Variants in ZNF326 observed in about 807,000 individuals in gnomAD.
The protein encoded by ZNF326 is DBIRD complex subunit ZNF326.
Under a neutral mutation model 63.1 loss-of-function variants are expected in ZNF326, and 30 were observed. The observed-to-expected ratio is 0.48, with a 90% CI of 0.36 to 0.64. The LOEUF is 0.64. Ranked by LOEUF, ZNF326 falls within the 30% of genes least tolerant of loss-of-function variation. The pLI is 0.00. For synonymous variants in ZNF326, 194 were observed against 228.2 expected (o/e 0.85, Z 1.35); for missense variants, 609 against 720.3 (o/e 0.85, Z 1.77).
At chr1:90,005,706 A>C in intron 4 of ZNF326, 1 of 985,162 alleles carries the variant, frequency 1.0e-6, no homozygotes, top group Non-Finnish European at 1.2e-6. Flanking sequence ...ACTTTCCAAG[A>C]AACATTCAGG....
rs1333348021 is a variant in ZNF326, at chr1:90,034,817, C to G, written c.*7116C>G. 6.6e-6 allele frequency: 1 copy of G among 152,084 alleles called. No individual in the cohort carries two copies. The highest frequency in any genetic ancestry group is 2.4e-5 in the African/African-American group (1 of 41,412). 9.4% of individuals were successfully genotyped at this position (152,084 alleles called of 1,614,324 possible). A position where few individuals can be genotyped will look rare whatever the true frequency, so the allele number is the denominator to read the frequency against. On this transcript the variant is annotated 3_prime_UTR_variant, in exon 12 of 12. Transcript: ENST00000340281. ...CCAGAAAATTGTTCATCAAAGATAG[C>G]TATAGACCAGTCTCACTTACGAACA... is the stretch of plus-strand genomic sequence containing the variant.
rs1650111193 is a variant in ZNF326, at chr1:90,028,177, T to C, written c.*476T>C. On this transcript the variant is annotated 3_prime_UTR_variant, in exon 12 of 12. Coordinates refer to ENST00000340281, the MANE Select transcript of ZNF326 (RefSeq NM_182976.4). ...TTTGCGTTAAGATACGCTTAAAGGC[T>C]CTTTGTGACCATGTTTCCCTTTGTA... 1 of 155,218 alleles carries C rather than the reference T, an allele frequency of 6.4e-6. No individual in the cohort carries two copies. The highest frequency in any genetic ancestry group is 2.4e-5 in the African/African-American group (1 of 41,478). 9.6% of individuals were successfully genotyped at this position (155,218 alleles called of 1,614,324 possible).
chr1:90,025,119 G>C (rs1023572866), intron 11 of ZNF326, among the ~76,000 whole-genome samples: 1 of 151,378 alleles, frequency 6.6e-6, no homozygotes, highest in African/African-American at 2.4e-5. Context: ...TGAAATGGTA[G>C]TTTACTTTGC....
intron 11 of ZNF326, among the ~76,000 whole-genome samples, chr1:90,023,160 G>T (rs1259771981): frequency 6.6e-6 from 1 of 152,144 alleles, no homozygotes; most frequent in Non-Finnish European, 1.5e-5. Flanking sequence ...AATTTTAGAG[G>T]TTAGTCTTTT....
At chr1:90,016,772 A>C (rs975155019) in intron 7 of ZNF326, among the ~76,000 whole-genome samples, 6 of 152,154 alleles carry the variant, frequency 3.9e-5, no homozygotes, top group African/African-American at 1.4e-4. Context: ...GGGACTGTTC[A>C]TTATGGAGTG....
intron 9 of ZNF326, among the ~76,000 whole-genome samples, chr1:90,019,690 G>C (rs1050276929): frequency 2.0e-5 from 3 of 151,946 alleles, no homozygotes; most frequent in Non-Finnish European, 2.9e-5. Flanking sequence ...TTAGTATCTA[G>C]ATGTTCATTG....
intron 9 of ZNF326, among the ~76,000 whole-genome samples, chr1:90,020,405 T>C (rs1649711459): frequency 6.6e-6 from 1 of 152,124 alleles, no homozygotes; most frequent in African/African-American, 2.4e-5. Context: ...CCTTTGTTCC[T>C]TATGAATCCA....
intron 8 of ZNF326, 143 bp from the exon 9 acceptor site, chr1:90,018,542 C>T: frequency 2.3e-6 from 1 of 439,932 alleles, no homozygotes; most frequent in Non-Finnish European, 4.1e-6. Flanking sequence ...ATTATCTTTT[C>T]AATTAAATTA....
rs745992603 is a variant in ZNF326 at position 90,017,298 on chromosome 1, ACT to A, written c.927-18_927-17del. 5.8e-6 allele frequency: 9 copies of A among 1,542,610 alleles called. No individual in the cohort carries two copies. The highest frequency in any genetic ancestry group is 4.4e-6 in the Non-Finnish European group (5 of 1,145,680). On this transcript the variant is annotated splice_polypyrimidine_tract_variant and intron_variant, in intron 7 of 11. Transcript: ENST00000340281. ...TGAATAAAGTAATATTTAAAGGAAA[ACT>A]TTTTTTTCTCTTACAGAATGGCATT... is the stretch of plus-strand genomic sequence containing the variant.
At chr1:90,020,611 ATAGTAAATCTACATATGTAGATT>A (rs1442240045) in intron 9 of ZNF326, among the ~76,000 whole-genome samples, 158 bp from the exon 10 acceptor site, 1 of 152,116 alleles carries the variant, frequency 6.6e-6, no homozygotes, top group Non-Finnish European at 1.5e-5. Flanking sequence ...AGTTAGCAAT[ATAGTAAATCTACATATGTAGATT>A]TATGAGATGT....
intron 1 of ZNF326, 60 bp downstream of exon 1, chr1:89,995,333 G>A: frequency 6.6e-7 from 1 of 1,520,786 alleles, no homozygotes; most frequent in Non-Finnish European, 8.8e-7. Context: ...CCTACGCAGG[G>A]GGTCTGTTTA....
intron 5 of ZNF326, among the ~76,000 whole-genome samples, chr1:90,008,247 T>G (rs1649083016): frequency 6.6e-6 from 1 of 152,234 alleles, no homozygotes; most frequent in South Asian, 2.1e-4. Context: ...CAGGATAGCT[T>G]AGCCATGTTT....
intron 6 of ZNF326, among the ~76,000 whole-genome samples, chr1:90,012,657 G>A (rs1269746837): frequency 6.6e-6 from 1 of 152,034 alleles, no homozygotes; most frequent in Non-Finnish European, 1.5e-5. Context: ...TATTTTGGAG[G>A]TTACAAATTT....
At chr1:90,020,123 T>TAATAAA (rs1649693174) in intron 9 of ZNF326, among the ~76,000 whole-genome samples, 4 of 152,148 alleles carry the variant, frequency 2.6e-5, no homozygotes, top group Non-Finnish European at 5.9e-5. Flanking sequence ...CAGTTTTTCT[T>TAATAAA]ATCTTACGAT....
At position 89,995,119 on chromosome 1, in the gene ZNF326, G is replaced by A. The variant is rs1648269162; in HGVS notation, c.-139G>A. The A allele has an allele frequency of 9.3e-7, 1 of 1,075,366 alleles. No individual in the cohort carries two copies. The highest frequency in any genetic ancestry group is 1.3e-6 in the Non-Finnish European group (1 of 762,552). The allele number at this position is 1,075,366 out of a possible 1,614,324, so 66.6% of individuals were successfully genotyped here. A position where few individuals can be genotyped will look rare whatever the true frequency, so the allele number is the denominator to read the frequency against. ...TCGGCCCCGCCTCCCCAGCCTCGCTGTGGCCTGCGGCTCCCGGGCTGGTAG... is the reference window on the plus strand; with the variant it reads ...TCGGCCCCGCCTCCCCAGCCTCGCTATGGCCTGCGGCTCCCGGGCTGGTAG... On this transcript the variant is annotated 5_prime_UTR_variant, in exon 1 of 12. It adds an upstream start codon to the 5' untranslated region. Coordinates refer to ENST00000340281, the MANE Select transcript of ZNF326 (RefSeq NM_182976.4).
intron 9 of ZNF326, among the ~76,000 whole-genome samples, chr1:90,019,585 CTT>C (rs1649666965): frequency 1.3e-5 from 2 of 152,154 alleles, no homozygotes; most frequent in African/African-American, 4.8e-5. Context: ...CTCTGCCACT[CTT>C]TTAGAATTTG....
intron 7 of ZNF326, among the ~76,000 whole-genome samples, chr1:90,013,864 C>G (rs1649368577): frequency 6.6e-6 from 1 of 151,734 alleles, no homozygotes; most frequent in African/African-American, 2.4e-5. Context: ...GAGATCAAGA[C>G]CATCCTGGCT....
chr1:90,020,728 A>G (rs932410408), intron 9 of ZNF326, 64 bp from the exon 10 acceptor site: 13 of 1,526,548 alleles, frequency 8.5e-6, no homozygotes, highest in Non-Finnish European at 1.2e-5. Flanking sequence ...ATTAAGTAGT[A>G]AAAACTTCAT....
chr1:90,027,792 A>G lies in ZNF326; in HGVS notation c.*91A>G. ...TTAATAGCTTAAAATATGAATTAAC[A>G]CCCATGTTGCATGCATTCCACATAT... On this transcript the variant is annotated 3_prime_UTR_variant, in exon 12 of 12. Transcript: ENST00000340281. 1 of 1,213,394 alleles carries G rather than the reference A, an allele frequency of 8.2e-7. No individual in the cohort carries two copies. Among genetic ancestry groups the G allele is most frequent in the Non-Finnish European group, 1.2e-6 (1 of 847,760 alleles). 75.2% of individuals were successfully genotyped at this position (1,213,394 alleles called of 1,614,324 possible).
Sources: allele counts gnomAD v4.1 joint callset (sites outside exome capture counted in the v4.1 genomes callset), GRCh38; gene constraint gnomAD v4.1.1; transcripts MANE v1.5; gene names NCBI Gene and HGNC (gene_info 2026-07-23, HGNC 2026-07-21).